Variants in SVIL observed in about 807,000 individuals in gnomAD.
SVIL encodes supervillin.
A neutral mutation model predicts 240.4 loss-of-function variants in SVIL; 101 were observed. That is an observed-to-expected ratio of 0.42 (90% CI 0.36 to 0.50). The LOEUF is 0.50. SVIL is among the 20% of genes least tolerant of loss of function. The pLI is 0.01. For missense variants in SVIL, 2,512 were observed against 2,818.7 expected (o/e 0.89, Z 2.46); for synonymous variants, 999 against 1,100.0 (o/e 0.91, Z 1.82).
In SVIL at chr10:29,554,952, A is replaced by G. The variant is rs1437820922; in HGVS notation, c.9-18T>C. ...TTTCTTTTCTGTGAAATACACCACAAGAGGCAGAGTGAGCAACAGCGATCG... is the reference window on the plus strand; with the variant it reads ...TTTCTTTTCTGTGAAATACACCACAGGAGGCAGAGTGAGCAACAGCGATCG... On this transcript the variant is annotated intron_variant, in intron 4 of 37. Coordinates refer to ENST00000355867, the MANE Select transcript of SVIL (RefSeq NM_021738.3). The G allele has an allele frequency of 6.2e-7, 1 of 1,610,712 alleles. No homozygotes were observed. The highest frequency in any genetic ancestry group is 1.7e-4 in the Middle Eastern group (1 of 6,042).
intron 1 of SVIL, among the ~76,000 whole-genome samples, chr10:29,713,076 A>G (rs1242412750): frequency 6.6e-6 from 1 of 151,930 alleles, no homozygotes; most frequent in Admixed American, 6.6e-5. Flanking sequence ...CTACTCAGGA[A>G]GCTGAGGTAG....
rs779304351 is a variant in SVIL at position 29,522,499 on chromosome 10, T to A, written c.3300A>T (p.Pro1100=). Residue 1100 remains proline, a synonymous_variant, in exon 16 of 38, where the codon CCA becomes CCT. Transcript: ENST00000355867. ...EQPQEKLCKN[P]CAMFAAGEIK... ...TCTCTCCAGCAGCAAACATCGCACA[T>A]GGATTCTTGCAGAGCTTCTCCTGTG... The A allele has an allele frequency of 6.2e-7, 1 of 1,614,152 alleles. No individual in the cohort carries two copies. Among genetic ancestry groups the A allele is most frequent in the Non-Finnish European group, 8.5e-7 (1 of 1,180,006 alleles).
At chr10:29,686,736 G>T (rs758549449) in intron 1 of SVIL, 16 of 152,124 alleles carry the variant, frequency 1.1e-4, no homozygotes, top group South Asian at 2.1e-4. Flanking sequence ...GAATGAATCG[G>T]TTTGCATTTA....
intron 3 of SVIL, among the ~76,000 whole-genome samples, chr10:29,650,334 G>C (rs1958796469): frequency 6.6e-6 from 1 of 152,106 alleles, no homozygotes; most frequent in Admixed American, 6.5e-5. Context: ...GATGCAAATG[G>C]TAAGAGCCGT....
intron 1 of SVIL, among the ~76,000 whole-genome samples, chr10:29,605,264 G>C (rs1564693192): frequency 6.6e-6 from 1 of 152,146 alleles, no homozygotes; most frequent in Non-Finnish European, 1.5e-5. Context: ...TTCTTTTGCT[G>C]TTTTCAAACA....
At chr10:29,471,090 CAA>C (rs1211560573) in intron 31 of SVIL, 46 bp downstream of exon 31, 1 of 1,540,190 alleles carries the variant, frequency 6.5e-7, no homozygotes, top group Non-Finnish European at 8.9e-7. Context: ...AAATTCTTTC[CAA>C]GAGAGGGAAA....
chr10:29,711,352 A>G (rs959374601), intron 1 of SVIL, among the ~76,000 whole-genome samples: 1 of 152,212 alleles, frequency 6.6e-6, no homozygotes, highest in African/African-American at 2.4e-5. Flanking sequence ...CTGTGGTGAG[A>G]TCGTGCCACT....
intron 1 of SVIL, among the ~76,000 whole-genome samples, chr10:29,730,813 T>C (rs1367762714): frequency 6.6e-6 from 1 of 152,146 alleles, no homozygotes; most frequent in African/African-American, 2.4e-5. Context: ...CAACCTTTTA[T>C]AGAACAAAGG....
rs563982670 is a variant in SVIL, at chr10:29,546,573, G to GT, written c.827+4023_827+4024insA. Among the ~76,000 whole-genome samples the GT allele has an allele frequency of 5.9e-3, 724 of 123,362 alleles. 3 individuals are homozygous for GT. Among genetic ancestry groups the GT allele is most frequent in the African/African-American group, 0.021 (701 of 32,806 alleles). The allele number at this position is 123,362 out of a possible 152,430, so 80.9% of individuals were successfully genotyped here. ...TAAAGACTGTTATTTTGCCTATAAT[G>GT]CTAATGAGTACAGTATAGTGAAGTA... On this transcript the variant is annotated intron_variant, in intron 6 of 37. Coordinates refer to ENST00000355867, the MANE Select transcript of SVIL (RefSeq NM_021738.3).
intron 1 of SVIL, among the ~76,000 whole-genome samples, chr10:29,704,184 C>A (rs1242304370): frequency 6.6e-6 from 1 of 152,092 alleles, no homozygotes; most frequent in Admixed American, 6.6e-5. Flanking sequence ...CTCAGCCTAC[C>A]ATGCTCAAAA....
At chr10:29,716,838 T>C (rs1014533819) in intron 1 of SVIL, among the ~76,000 whole-genome samples, 9 of 152,328 alleles carry the variant, frequency 5.9e-5, no homozygotes, top group Admixed American at 2.0e-4. Flanking sequence ...GGTTGAATCA[T>C]AGAAGAATTT....
intron 3 of SVIL, among the ~76,000 whole-genome samples, chr10:29,555,541 G>T (rs915466067): frequency 2.0e-5 from 3 of 152,224 alleles, no homozygotes; most frequent in Admixed American, 6.5e-5. Context: ...TATATATATT[G>T]TAACACCTAG....
intron 21 of SVIL, among the ~76,000 whole-genome samples, 177 bp downstream of exon 21, chr10:29,493,037 A>T (rs1247449175): frequency 1.3e-5 from 2 of 152,122 alleles, no homozygotes; most frequent in Non-Finnish European, 2.9e-5. Flanking sequence ...ATCTGCTGCG[A>T]GGCTCCGTGC....
intron 1 of SVIL, among the ~76,000 whole-genome samples, chr10:29,632,131 C>T (rs1958120159): frequency 1.3e-5 from 2 of 152,190 alleles, no homozygotes; most frequent in South Asian, 4.1e-4. Context: ...TGCTGGAGCT[C>T]ACCAGACATC....
At position 29,471,192 on chromosome 10, in the gene SVIL, C is replaced by G. The variant is rs376279808; in HGVS notation, c.5581G>C (p.Gly1861Arg). ...EPPCFLQCFQ[G>R]GMVVHSGRRE... ...CTCCCCGAGTGCACCACCATCCCCCCCTGGAAACACTGCAGGAAACAGGGG... is the reference window on the plus strand; with the variant it reads ...CTCCCCGAGTGCACCACCATCCCCCGCTGGAAACACTGCAGGAAACAGGGG... Residue 1861 changes from glycine to arginine, a missense_variant, in exon 31 of 38, where the codon GGG becomes CGG. Coordinates refer to ENST00000355867, the MANE Select transcript of SVIL (RefSeq NM_021738.3). 16 of 1,613,802 alleles carry G rather than the reference C, an allele frequency of 9.9e-6. No individual in the cohort carries two copies. The highest frequency in any genetic ancestry group is 4.0e-5 in the African/African-American group (3 of 74,924).
intron 1 of SVIL, among the ~76,000 whole-genome samples, chr10:29,596,265 G>A (rs933468014): frequency 6.6e-6 from 1 of 152,150 alleles, no homozygotes; most frequent in African/African-American, 2.4e-5. Context: ...GAGGCCAGGA[G>A]TTTGAGACCA....
At chr10:29,512,486 CTT>C (rs1400669463) in intron 17 of SVIL, among the ~76,000 whole-genome samples, 1 of 152,166 alleles carries the variant, frequency 6.6e-6, no homozygotes, top group Non-Finnish European at 1.5e-5. Context: ...AAAGTCCACA[CTT>C]TAAAATTCAG....
At chr10:29,607,921 C>T (rs908108662) in intron 1 of SVIL, among the ~76,000 whole-genome samples, 1 of 152,240 alleles carries the variant, frequency 6.6e-6, no homozygotes, top group African/African-American at 2.4e-5. Context: ...TCTTTCCCAT[C>T]AAGCTTCTAA....
chr10:29,622,389 G>A lies in SVIL; in HGVS notation c.-201+12031C>T, dbSNP rs1036984110. Reference sequence around the variant, plus strand: ...CACCATCTCTTCTTATGATCATCCCGCCCGGCTCCACACACATTCTAAACT... The same window carrying A: ...CACCATCTCTTCTTATGATCATCCCACCCGGCTCCACACACATTCTAAACT... On this transcript the variant is annotated intron_variant, in intron 1 of 37. Transcript: ENST00000355867. Among the ~76,000 whole-genome samples, 8 of 150,340 alleles carry A rather than the reference G, an allele frequency of 5.3e-5. No homozygotes were observed. In the South Asian group the frequency reaches 6.5e-4, roughly 12 times the overall value.
Sources: allele counts gnomAD v4.1 joint callset (sites outside exome capture counted in the v4.1 genomes callset), GRCh38; gene constraint gnomAD v4.1.1; transcripts MANE v1.5; gene names NCBI Gene and HGNC (gene_info 2026-07-23, HGNC 2026-07-21).